Variants in CRPPA observed in about 807,000 individuals in gnomAD.
CRPPA encodes CDP-L-ribitol pyrophosphorylase A.
A neutral mutation model predicts 52.0 loss-of-function variants in CRPPA; 43 were observed. The ratio of observed to expected loss-of-function variants is 0.83; its 90% confidence interval spans 0.65 to 1.07. The LOEUF is 1.07. Among genes scored for constraint, CRPPA ranks in the 50% least tolerant of loss-of-function variants. The pLI is 0.00. For synonymous variants in CRPPA, 250 were observed against 203.5 expected (o/e 1.23, Z -1.94); for missense variants, 629 against 551.7 (o/e 1.14, Z -1.40).
rs1256465305 is a variant in CRPPA at position 16,088,559 on chromosome 7, A to C, written c.*3136T>G. ...AAGCCTCCTGAGTAGCTGGGACTAC[A>C]GGCGCCCGCCACGATGCCTGGCTAT... On this transcript the variant is annotated 3_prime_UTR_variant, in exon 10 of 10. Coordinates refer to ENST00000407010, the MANE Select transcript of CRPPA (RefSeq NM_001101426.4). 6.6e-6 allele frequency: 1 copy of C among 152,050 alleles called. No individual in the cohort carries two copies. Among genetic ancestry groups the C allele is most frequent in the Non-Finnish European group, 1.5e-5 (1 of 68,168 alleles). 9.4% of individuals were successfully genotyped at this position (152,050 alleles called of 1,614,324 possible).
chr7:16,278,619 G>A (rs1784258683), intron 5 of CRPPA, among the ~76,000 whole-genome samples: 1 of 152,150 alleles, frequency 6.6e-6, no homozygotes, highest in African/African-American at 2.4e-5. Flanking sequence ...TAGGCCATAG[G>A]TTATCTCCTG....
chr7:16,371,848 T>C (rs1253436444), intron 3 of CRPPA, among the ~76,000 whole-genome samples: 1 of 151,260 alleles, frequency 6.6e-6, no homozygotes, highest in Non-Finnish European at 1.5e-5. Context: ...TCCAGAGAAA[T>C]AGATATCATA....
chr7:16,379,849 G>C (rs942590026), intron 2 of CRPPA, among the ~76,000 whole-genome samples: 4 of 152,258 alleles, frequency 2.6e-5, no homozygotes, highest in Middle Eastern at 3.4e-3. Flanking sequence ...TATATCCCGA[G>C]ACTTTGCTGA....
rs376448186 is a variant in CRPPA, at chr7:16,123,970, G to A, written c.1252-32171C>T. Among the ~76,000 whole-genome samples, 75 of 152,236 alleles carry A rather than the reference G, an allele frequency of 4.9e-4. 1 individual carries two copies. The highest frequency in any genetic ancestry group is 1.7e-3 in the African/African-American group (71 of 41,560). ...CATTTAAAATAAAATGCCTTAGGTT[G>A]ATTTCCTATCTTGGCTATTGTGAAT... On this transcript the variant is annotated intron_variant, in intron 9 of 9. Coordinates refer to ENST00000407010, the MANE Select transcript of CRPPA (RefSeq NM_001101426.4).
intron 8 of CRPPA, among the ~76,000 whole-genome samples, chr7:16,218,929 G>A (rs1315137508): frequency 2.0e-5 from 3 of 151,980 alleles, no homozygotes; most frequent in South Asian, 4.2e-4. Flanking sequence ...ACTCAGCTCT[G>A]CACCAAGCAG....
intron 9 of CRPPA, among the ~76,000 whole-genome samples, chr7:16,101,213 G>C (rs553649606): frequency 6.6e-6 from 1 of 152,158 alleles, no homozygotes; most frequent in Non-Finnish European, 1.5e-5. Flanking sequence ...GTTTAGAAGA[G>C]TTTCAGAATA....
intron 2 of CRPPA, among the ~76,000 whole-genome samples, chr7:16,399,802 G>C (rs1010234271): frequency 2.6e-5 from 4 of 152,180 alleles, no homozygotes; most frequent in African/African-American, 7.2e-5. Context: ...ACCAACACGT[G>C]ACTGACACTT....
chr7:16,212,029 T>C (rs1782161062), intron 9 of CRPPA, among the ~76,000 whole-genome samples: 1 of 152,202 alleles, frequency 6.6e-6, no homozygotes, highest in Non-Finnish European at 1.5e-5. Context: ...ATTTTTATAA[T>C]AATTCTCACA....
chr7:16,322,733 T>C (rs1178881935), intron 3 of CRPPA, among the ~76,000 whole-genome samples: 1 of 152,170 alleles, frequency 6.6e-6, no homozygotes, highest in East Asian at 1.9e-4. Flanking sequence ...AATGTGATTA[T>C]TCCATATAAG....
At chr7:16,387,052 T>G (rs1400001697) in intron 2 of CRPPA, among the ~76,000 whole-genome samples, 9 of 31,580 alleles carry the variant, frequency 2.8e-4, no homozygotes, top group Admixed American at 2.0e-3. Context: ...AAGATATATA[T>G]ATATATATAT....
chr7:16,319,912 G>A (rs1254086333), intron 3 of CRPPA, among the ~76,000 whole-genome samples: 1 of 152,086 alleles, frequency 6.6e-6, no homozygotes, highest in Non-Finnish European at 1.5e-5. Context: ...TCCTTATTTT[G>A]TCCCCCTTCA....
chr7:16,340,230 A>G (rs551538731), intron 3 of CRPPA, among the ~76,000 whole-genome samples: 34 of 152,232 alleles, frequency 2.2e-4, no homozygotes, highest in South Asian at 6.2e-4. Context: ...GGAATGATAC[A>G]TGAAAAAATT....
chr7:16,216,263 A>C, intron 8 of CRPPA, 66 bp from the exon 9 acceptor site: 2 of 1,058,252 alleles, frequency 1.9e-6, no homozygotes, highest in Non-Finnish European at 2.7e-6. Context: ...GGGAAAAAAC[A>C]TTAAAGAAGC....
chr7:16,256,978 T>G (rs75418703), intron 8 of CRPPA, among the ~76,000 whole-genome samples: 5 of 152,070 alleles, frequency 3.3e-5, no homozygotes, highest in Non-Finnish European at 5.9e-5. Context: ...GGAAGTTAAT[T>G]TGGAGTCATC....
chr7:16,294,071 G>A (rs949156542), intron 5 of CRPPA, among the ~76,000 whole-genome samples: 17 of 151,882 alleles, frequency 1.1e-4, no homozygotes, highest in African/African-American at 4.1e-4. Flanking sequence ...CATCAGAGCT[G>A]TATCAATACC....
chr7:16,091,630 G>T lies in CRPPA; in HGVS notation c.*65C>A. On this transcript the variant is annotated 3_prime_UTR_variant, in exon 10 of 10. Coordinates refer to ENST00000407010, the MANE Select transcript of CRPPA (RefSeq NM_001101426.4). ...AACATTCTACCACACACAGCAGCGG[G>T]GGCACAAAGCACAATTAAGATACGC... 1.2e-6 allele frequency: 1 copy of T among 819,862 alleles called. No individual in the cohort carries two copies. Among genetic ancestry groups the T allele is most frequent in the Non-Finnish European group, 2.0e-6 (1 of 498,900 alleles). 50.8% of individuals were successfully genotyped at this position (819,862 alleles called of 1,614,324 possible).
chr7:16,207,152 G>A (rs1300035905), intron 9 of CRPPA, among the ~76,000 whole-genome samples: 5 of 152,106 alleles, frequency 3.3e-5, no homozygotes, highest in Admixed American at 6.6e-5. Flanking sequence ...TACTGAGTGG[G>A]AAAGAAAGTA....
intron 9 of CRPPA, among the ~76,000 whole-genome samples, chr7:16,206,685 T>C (rs1562556397): frequency 6.6e-6 from 1 of 152,148 alleles, no homozygotes; most frequent in East Asian, 1.9e-4. Flanking sequence ...TATTCCTCCT[T>C]ACAAAGTGTT....
intron 9 of CRPPA, among the ~76,000 whole-genome samples, chr7:16,144,275 G>A (rs1439494087): frequency 1.3e-5 from 2 of 152,130 alleles, no homozygotes; most frequent in Non-Finnish European, 2.9e-5. Context: ...GCAGTAACAG[G>A]GCCTGCAAAC....
Sources: allele counts gnomAD v4.1 joint callset (sites outside exome capture counted in the v4.1 genomes callset), GRCh38; gene constraint gnomAD v4.1.1; transcripts MANE v1.5; gene names NCBI Gene and HGNC (gene_info 2026-07-23, HGNC 2026-07-21).